NTRK2: variants seen among roughly 807,000 people sequenced by gnomAD.
NTRK2 encodes the protein neurotrophic receptor tyrosine kinase 2.
NTRK2 carries 13 observed loss-of-function variants against 94.5 expected under a neutral mutation model. The ratio of observed to expected loss-of-function variants is 0.14; its 90% CI spans 0.09 to 0.22. The LOEUF (loss-of-function observed/expected upper bound fraction) is 0.22, where lower values mean the gene tolerates loss of function less well. Ranked by LOEUF, NTRK2 falls within the 10% of genes least tolerant of loss-of-function variation. NTRK2 has a pLI of 1.00. For synonymous variants in NTRK2, 372 were observed against 407.4 expected (o/e 0.91, Z 1.05); for missense variants, 639 against 1,071.2 (o/e 0.60, Z 5.63).
intron 14 of NTRK2, among the ~76,000 whole-genome samples, chr9:84,891,601 T>C (rs907733600): frequency 3.9e-5 from 6 of 152,210 alleles, no homozygotes; most frequent in South Asian, 4.1e-4. Flanking sequence ...TTTCTTCTTT[T>C]CTCAGCTGAA....
chr9:84,918,881 G>A (rs2077475610), intron 14 of NTRK2, among the ~76,000 whole-genome samples: 1 of 151,836 alleles, frequency 6.6e-6, no homozygotes, highest in Non-Finnish European at 1.5e-5. Context: ...TCTGCTTCTG[G>A]GCACTTTCAT....
At chr9:85,018,406 A>G (rs1312094349) in intron 17 of NTRK2, among the ~76,000 whole-genome samples, 2 of 152,192 alleles carry the variant, frequency 1.3e-5, no homozygotes, top group Non-Finnish European at 2.9e-5. Context: ...CATAAACAGA[A>G]GGGTCATTTG....
intron 5 of NTRK2, among the ~76,000 whole-genome samples, chr9:84,710,094 G>A (rs2061341999): frequency 6.6e-6 from 1 of 151,946 alleles, no homozygotes; most frequent in South Asian, 2.1e-4. Flanking sequence ...ATTGTATAAT[G>A]CAGAAAGCTA....
intron 12 of NTRK2, among the ~76,000 whole-genome samples, chr9:84,809,907 GAA>G (rs2071579175): frequency 7.1e-6 from 1 of 140,672 alleles, no homozygotes; most frequent in Non-Finnish European, 1.6e-5. Flanking sequence ...AAAAAAGAAA[GAA>G]GAGAGAAGAA....
At chr9:84,877,343 G>C in intron 14 of NTRK2, 1 of 1,066,188 alleles carries the variant, frequency 9.4e-7, no homozygotes. Context: ...GCGGAGCTAT[G>C]TGAAGGGTTG....
chr9:84,682,874 T>C (rs1387241405), intron 2 of NTRK2, among the ~76,000 whole-genome samples: 1 of 152,228 alleles, frequency 6.6e-6, no homozygotes, highest in Non-Finnish European at 1.5e-5. Context: ...TCTTCCCAGC[T>C]GCACAGAAAT....
At chr9:84,846,938 C>A (rs1308327312) in intron 12 of NTRK2, among the ~76,000 whole-genome samples, 1 of 152,214 alleles carries the variant, frequency 6.6e-6, no homozygotes, top group Non-Finnish European at 1.5e-5. Flanking sequence ...TTAATGCATT[C>A]AAGAGATCCT....
At chr9:84,729,819 C>T (rs2062715982) in intron 9 of NTRK2, among the ~76,000 whole-genome samples, 1 of 152,186 alleles carries the variant, frequency 6.6e-6, no homozygotes, top group African/African-American at 2.4e-5. Context: ...TATCAATGCA[C>T]AGTACTGTTG....
chr9:84,896,933 G>A (rs969783293), intron 14 of NTRK2, among the ~76,000 whole-genome samples: 3 of 152,180 alleles, frequency 2.0e-5, no homozygotes, highest in African/African-American at 7.2e-5. Context: ...ATTTGGGGAG[G>A]TAGACCACCT....
chr9:84,678,141 C>T (rs1172066261), intron 2 of NTRK2, among the ~76,000 whole-genome samples: 1 of 152,160 alleles, frequency 6.6e-6, no homozygotes, highest in Non-Finnish European at 1.5e-5. Context: ...ATTTGTTCAA[C>T]TTAATTATCT....
intron 17 of NTRK2, among the ~76,000 whole-genome samples, chr9:85,018,123 G>A (rs1031342064): frequency 2.6e-5 from 4 of 151,918 alleles, no homozygotes; most frequent in African/African-American, 9.7e-5. Flanking sequence ...AAAATGTGTA[G>A]ACCTCTGTCC....
At chr9:84,774,453 CT>C (rs1262154399) in intron 12 of NTRK2, among the ~76,000 whole-genome samples, 4 of 152,186 alleles carry the variant, frequency 2.6e-5, no homozygotes, top group Non-Finnish European at 4.4e-5. Context: ...GTCATTGACC[CT>C]TTCTGCACAT....
chr9:84,878,583 G>A (rs1226566401), intron 14 of NTRK2, among the ~76,000 whole-genome samples: 4 of 148,984 alleles, frequency 2.7e-5, no homozygotes, highest in African/African-American at 7.4e-5. Context: ...GCAGTGAGCC[G>A]AGATCATGCC....
chr9:84,788,139 A>G (rs2068314515), intron 12 of NTRK2, among the ~76,000 whole-genome samples: 1 of 152,228 alleles, frequency 6.6e-6, no homozygotes, highest in African/African-American at 2.4e-5. Flanking sequence ...TAAGTATATT[A>G]TCATCATCAC....
rs77211937 is a variant in NTRK2, at chr9:84,719,414, G to T, written c.584-4159G>T. 3.2e-3 allele frequency among the ~76,000 whole-genome samples: 482 copies of T among 152,130 alleles called. 6 individuals carry two copies. The East Asian group carries it at 0.038, about 12-fold the overall frequency. On this transcript the variant is annotated intron_variant, in intron 6 of 18. Coordinates refer to ENST00000277120, the MANE Select transcript of NTRK2 (RefSeq NM_006180.6). Reference sequence around the variant, plus strand: ...AAATGCTTTTAGAGCTGTTAATTATGTAAGCTTGAGTTTGAAAAAAAACCC... The same window carrying T: ...AAATGCTTTTAGAGCTGTTAATTATTTAAGCTTGAGTTTGAAAAAAAACCC...
chr9:84,910,207 G>T (rs1471500645), intron 14 of NTRK2, among the ~76,000 whole-genome samples: 1 of 152,076 alleles, frequency 6.6e-6, no homozygotes, highest in Non-Finnish European at 1.5e-5. Context: ...AGTGTTACAG[G>T]GCTGTTATAA....
At chr9:84,821,259 T>C (rs1448875583) in intron 12 of NTRK2, among the ~76,000 whole-genome samples, 2 of 152,108 alleles carry the variant, frequency 1.3e-5, no homozygotes, top group Non-Finnish European at 2.9e-5. Flanking sequence ...CGGAATGTAC[T>C]TAGCTTGCAT....
chr9:84,768,440 G>T (rs2066231064), intron 12 of NTRK2, among the ~76,000 whole-genome samples: 1 of 152,004 alleles, frequency 6.6e-6, no homozygotes, highest in Non-Finnish European at 1.5e-5. Flanking sequence ...CCTCCGCAGG[G>T]GTTTTTCTTT....
chr9:84,678,380 G>A (rs2059186727), intron 2 of NTRK2, among the ~76,000 whole-genome samples: 1 of 152,250 alleles, frequency 6.6e-6, no homozygotes, highest in South Asian at 2.1e-4. Context: ...AACGAACAAT[G>A]TAAACAAAAT....
Sources: allele counts gnomAD v4.1 joint callset (sites outside exome capture counted in the v4.1 genomes callset), GRCh38; gene constraint gnomAD v4.1.1; transcripts MANE v1.5; gene names NCBI Gene and HGNC (gene_info 2026-07-23, HGNC 2026-07-21).